The following OSBPL1A variants were observed in gnomAD, a reference collection of about 807,000 sequenced individuals.
OSBPL1A encodes oxysterol-binding protein-related protein 1.
In OSBPL1A, 80 loss-of-function variants were observed where a neutral mutation model predicts 137.1. The ratio of observed to expected loss-of-function variants is 0.58; its 90% CI spans 0.49 to 0.70. The LOEUF is 0.70. Among genes scored for constraint, OSBPL1A ranks in the 30% least tolerant of loss-of-function variants. The probability of loss-of-function intolerance (pLI) is 0.00; values close to 1 mark genes in which losing one functional copy is unlikely to be tolerated. For synonymous variants in OSBPL1A, 365 were observed against 389.7 expected, an observed-to-expected ratio of 0.94 and a Z score of 0.75; for missense variants, 970 against 1,129.4, an observed-to-expected ratio of 0.86 and a Z score of 2.02.
intron 7 of OSBPL1A, among the ~76,000 whole-genome samples, chr18:24,329,033 C>A (rs899803939): frequency 6.6e-6 from 1 of 152,166 alleles, no homozygotes; most frequent in African/African-American, 2.4e-5. Flanking sequence ...GCCAGTCAAG[C>A]AGGGGATCTC....
chr18:24,373,254 TA>T, intron 2 of OSBPL1A, among the ~76,000 whole-genome samples: 2 of 152,284 alleles, frequency 1.3e-5, no homozygotes, highest in East Asian at 3.9e-4. Flanking sequence ...AACACTAAAA[TA>T]CCAGCAGGTA....
intron 1 of OSBPL1A, among the ~76,000 whole-genome samples, chr18:24,393,254 C>T (rs1224390586): frequency 6.6e-6 from 1 of 152,166 alleles, no homozygotes; most frequent in Non-Finnish European, 1.5e-5. Flanking sequence ...TTTGTGATGA[C>T]ATAAACAAAT....
chr18:24,316,465 T>G (rs912882866), intron 11 of OSBPL1A, among the ~76,000 whole-genome samples: 4 of 151,900 alleles, frequency 2.6e-5, no homozygotes, highest in African/African-American at 7.3e-5. Flanking sequence ...AGCAAATGGA[T>G]AGGAAAAAGA....
At chr18:24,250,975 C>A (rs2089070658) in intron 15 of OSBPL1A, among the ~76,000 whole-genome samples, 1 of 152,140 alleles carries the variant, frequency 6.6e-6, no homozygotes, top group South Asian at 2.1e-4. Flanking sequence ...TGGCAGAGCT[C>A]CCCCATGGGC....
intron 16 of OSBPL1A, among the ~76,000 whole-genome samples, chr18:24,235,462 C>G (rs1033102446): frequency 6.6e-6 from 1 of 152,128 alleles, no homozygotes; most frequent in Non-Finnish European, 1.5e-5. Flanking sequence ...GCTTGAGTAC[C>G]TATACTTTTA....
intron 13 of OSBPL1A, among the ~76,000 whole-genome samples, chr18:24,310,316 T>C (rs750496311): frequency 6.6e-6 from 1 of 151,258 alleles, no homozygotes; most frequent in Non-Finnish European, 1.5e-5. Context: ...TGCCGGGATG[T>C]TGTGGCTCAC....
At position 24,317,391 on chromosome 18, in the gene OSBPL1A, A is replaced by G. The variant is rs772105292; in HGVS notation, c.742T>C (p.Phe248Leu). 5 of 1,613,448 alleles carry G rather than the reference A, an allele frequency of 3.1e-6. No homozygotes were observed. Among genetic ancestry groups the G allele is most frequent in the Non-Finnish European group, 4.2e-6 (5 of 1,179,536 alleles). The part of the protein sequence containing the change: ...YEGPLWKSSR[F>L]FGWRLFWVVL... ...ACCCAGAATAATCTCCAGCCAAAAAATCTTGAACTCTAAGGGAAAAATAAC... is the reference window on the plus strand; with the variant it reads ...ACCCAGAATAATCTCCAGCCAAAAAGTCTTGAACTCTAAGGGAAAAATAAC... The change falls in exon 10 of 28, where the codon TTT becomes CTT. Residue 248 changes from phenylalanine to leucine, a missense_variant. By Grantham distance (22) the Phe-to-Leu change is conservative (BLOSUM62 0). Around this residue, in one of 2 missense-constraint regions of OSBPL1A, gnomAD observed 647 missense variants for 672.6 expected, o/e 0.96. Coordinates refer to ENST00000319481, the MANE Select transcript of OSBPL1A (RefSeq NM_080597.4).
chr18:24,238,631 A>G (rs2088575633), intron 16 of OSBPL1A, among the ~76,000 whole-genome samples: 1 of 152,206 alleles, frequency 6.6e-6, no homozygotes, highest in Admixed American at 6.5e-5. Flanking sequence ...GTCATGGAAC[A>G]CGCCCCAGGT....
At chr18:24,169,215 G>A (rs1469818620) in intron 24 of OSBPL1A, among the ~76,000 whole-genome samples, 3 of 152,204 alleles carry the variant, frequency 2.0e-5, no homozygotes, top group Non-Finnish European at 4.4e-5. Context: ...TGCTCCGGCC[G>A]TTTAATAAAC....
At position 24,261,198 on chromosome 18, in the gene OSBPL1A, A is replaced by G. The variant is rs74445244; in HGVS notation, c.1281+19644T>C. ...GATTCCATTACTATAAAATTTTAGAAAATTCCTGCCAATGTCTAGTGATAA... is the reference window on the plus strand; with the variant it reads ...GATTCCATTACTATAAAATTTTAGAGAATTCCTGCCAATGTCTAGTGATAA... On this transcript the variant is annotated intron_variant, in intron 15 of 27. Transcript: ENST00000319481. Among the ~76,000 whole-genome samples the G allele has an allele frequency of 1.8e-3, 269 of 152,316 alleles. 3 individuals are homozygous for G. In the East Asian group the frequency reaches 0.033, roughly 19 times the overall value.
chr18:24,287,418 T>A (rs2090084508), intron 14 of OSBPL1A, among the ~76,000 whole-genome samples: 3 of 151,928 alleles, frequency 2.0e-5, no homozygotes, highest in South Asian at 2.1e-4. Context: ...CATAAGAGAG[T>A]TTATCCATTC....
rs949712809 is a variant in OSBPL1A at position 24,181,293 on chromosome 18, A to G, written c.1678-14T>C. The G allele has an allele frequency of 6.2e-7, 1 of 1,613,364 alleles. No individual in the cohort carries two copies. The highest frequency in any genetic ancestry group is 1.3e-5 in the African/African-American group (1 of 74,918). ...CTTGGATAGTTCCTATTTAACCAGA[A>G]AATTGAAAGTGTTATGTCCCATATA... On this transcript the variant is annotated splice_polypyrimidine_tract_variant and intron_variant, in intron 18 of 27. Coordinates refer to ENST00000319481, the MANE Select transcript of OSBPL1A (RefSeq NM_080597.4).
intron 21 of OSBPL1A, among the ~76,000 whole-genome samples, chr18:24,173,038 C>G (rs1196322908): frequency 6.6e-6 from 1 of 152,170 alleles, no homozygotes; most frequent in Non-Finnish European, 1.5e-5. Flanking sequence ...GCAAACGTGG[C>G]ACACATACAC....
At chr18:24,354,616 C>T (rs1397151252) in intron 4 of OSBPL1A, among the ~76,000 whole-genome samples, 2 of 151,748 alleles carry the variant, frequency 1.3e-5, no homozygotes, top group African/African-American at 2.4e-5. Flanking sequence ...GTTCAGTAAA[C>T]TTGAAGACAG....
In OSBPL1A at chr18:24,391,293, G is replaced by A. The variant is rs112150270; in HGVS notation, c.-3+6362C>T. Among the ~76,000 whole-genome samples the A allele has an allele frequency of 1.2e-4, 18 of 152,254 alleles. 1 individual carries two copies. The highest frequency in any genetic ancestry group is 4.3e-4 in the African/African-American group (18 of 41,560). On this transcript the variant is annotated intron_variant, in intron 1 of 27. Transcript: ENST00000319481. ...GTTGCCGGTGGCTCGGAGAAGGGAG[G>A]AAGAAATAGGGAGTAATGTTTAACA...
At chr18:24,254,692 G>C (rs1264044773) in intron 15 of OSBPL1A, among the ~76,000 whole-genome samples, 1 of 151,966 alleles carries the variant, frequency 6.6e-6, no homozygotes, top group Non-Finnish European at 1.5e-5. Context: ...AGTACTAAGA[G>C]AGAAATTTAC....
chr18:24,272,835 G>A (rs1427255320), intron 15 of OSBPL1A, among the ~76,000 whole-genome samples: 2 of 152,210 alleles, frequency 1.3e-5, no homozygotes, highest in Non-Finnish European at 2.9e-5. Context: ...GCCATGCTGG[G>A]AAAATTGGGA....
At chr18:24,316,664 G>C (rs2090740709) in intron 11 of OSBPL1A, among the ~76,000 whole-genome samples, 1 of 152,100 alleles carries the variant, frequency 6.6e-6, no homozygotes, top group Non-Finnish European at 1.5e-5. Context: ...CATTCCACAA[G>C]CACAGTAGGA....
chr18:24,272,333 CACTT>C (rs1239530073), intron 15 of OSBPL1A: 2 of 960,318 alleles, frequency 2.1e-6, no homozygotes, highest in African/African-American at 1.8e-5. Context: ...TCCTGCCTGT[CACTT>C]ACTCCGGCTC....
Sources: allele counts gnomAD v4.1 joint callset (sites outside exome capture counted in the v4.1 genomes callset), GRCh38; gene constraint gnomAD v4.1.1; regional missense constraint gnomAD v4.1.1; transcripts MANE v1.5; gene names NCBI Gene and HGNC (gene_info 2026-07-23, HGNC 2026-07-21).